FHOD1: variants seen among roughly 807,000 people sequenced by gnomAD.
The protein encoded by FHOD1 is formin homology 2 domain containing 1, also known as FH1/FH2 domain-containing protein 1.
FHOD1 carries 89 observed loss-of-function variants against 111.6 expected under a neutral mutation model. The ratio of observed to expected loss-of-function variants is 0.80; its 90% CI spans 0.67 to 0.95. FHOD1 has a LOEUF of 0.95. Ranked by LOEUF, FHOD1 falls within the 40% of genes least tolerant of loss-of-function variation. FHOD1 has a pLI of 0.00. For synonymous variants in FHOD1, 618 were observed against 639.0 expected (o/e 0.97, Z 0.50); for missense variants, 1,446 against 1,554.2 (o/e 0.93, Z 1.17).
At chr16:67,241,485 C>T (rs7192600) in intron 1 of FHOD1, among the ~76,000 whole-genome samples, 13,393 of 152,184 alleles carry the variant, frequency 0.088, 1,957 homozygotes, top group African/African-American at 0.3. Context: ...ACACACCTAC[C>T]CCAGAGCCAC....
chr16:67,230,570 C>T (rs200719864), intron 18 of FHOD1, 31 bp downstream of exon 18: 84 of 1,613,308 alleles, frequency 5.2e-5, no homozygotes, highest in South Asian at 3.8e-4. Context: ...GGGTGGTGGC[C>T]GTCCTGCCTC....
Position 67,238,128 on chromosome 16 carries a change from G to A in FHOD1, c.548C>T (p.Ala183Val), listed in dbSNP as rs1167301204. ...DHNYQSYILR[A>V]LGQLMLFVDG... Reference sequence around the variant, plus strand: ...CACAAAGAGCATCAGCTGGCCGAGCGCTGGGGAAACAGGGATGGGCAGAGT... The same window carrying A: ...CACAAAGAGCATCAGCTGGCCGAGCACTGGGGAAACAGGGATGGGCAGAGT... The change falls in exon 6 of 22, where the codon GCG becomes GTG. Residue 183 changes from alanine (A) to valine (V), a missense_variant and splice_region_variant. Physicochemically the swap from Ala to Val is moderately conservative, Grantham distance 64. Coordinates refer to ENST00000258201, the MANE Select transcript of FHOD1 (RefSeq NM_013241.3). The surrounding 1 kb of genome is among the most constrained non-coding windows in gnomAD (Gnocchi z 4.2). 13 of 1,614,216 alleles carry A rather than the reference G, an allele frequency of 8.1e-6. No individual in the cohort carries two copies. Among genetic ancestry groups the A allele is most frequent in the Non-Finnish European group, 1.1e-5 (13 of 1,180,038 alleles).
At chr16:67,239,487 G>A in intron 1 of FHOD1, 33 bp from the exon 2 acceptor site, 1 of 1,547,028 alleles carries the variant, frequency 6.5e-7, no homozygotes, top group Non-Finnish European at 8.9e-7. Context: ...TGAGACTGAG[G>A]AAGAGGTGGC....
intron 1 of FHOD1, among the ~76,000 whole-genome samples, chr16:67,243,527 T>TAA (rs1382237140): frequency 6.6e-6 from 1 of 152,112 alleles, no homozygotes; most frequent in Non-Finnish European, 1.5e-5. Flanking sequence ...GCCGCCTATT[T>TAA]AATTTGATTC....
At position 67,237,302 on chromosome 16, in the gene FHOD1, G is replaced by A. The variant is rs1461372483; in HGVS notation, c.930C>T (p.Val310=). Residue 310 remains valine, a synonymous_variant, in exon 9 of 22, where the codon GTC becomes GTT. Coordinates refer to ENST00000258201, the MANE Select transcript of FHOD1 (RefSeq NM_013241.3). This position sits in a 1 kb window ranked among gnomAD's most constrained non-coding sequence, Gnocchi z 5.6. ...TGCCCGCAGTGCCCAGGTGGCGCTG[G>A]ACCAGCGCTTCCATGCCCTGCTGCT... ...ALEQQGMEAL[V]QRHLGTAGTD... is the part of the protein sequence containing the mutation. 6.2e-7 allele frequency: 1 copy of A among 1,613,870 alleles called. No homozygotes were observed. Among genetic ancestry groups the A allele is most frequent in the East Asian group, 2.2e-5 (1 of 44,888 alleles).
Position 67,229,479 on chromosome 16 carries a change from C to CACACACTCACATGCAT in FHOD1, c.*141_*156dup. On this transcript the variant is annotated 3_prime_UTR_variant, in exon 22 of 22. Transcript: ENST00000258201. ...ATATGCATGCACACACACACATACA[C>CACACACTCACATGCAT]ACACACTCACATGCATACACACACG... 1 of 679,944 alleles carries CACACACTCACATGCAT rather than the reference C, an allele frequency of 1.5e-6. No individual in the cohort carries two copies. The highest frequency in any genetic ancestry group is 2.7e-6 in the Non-Finnish European group (1 of 375,172). 42.1% of individuals were successfully genotyped at this position (679,944 alleles called of 1,614,324 possible).
chr16:67,230,347 C>G lies in FHOD1; in HGVS notation c.3018G>C (p.Glu1006Asp). ...QQQQKQATYR[E>D]RNKTRGRMIT... Reference sequence around the variant, plus strand: ...TCATGCGTCCCCGGGTCTTGTTGCGCTCACGGTATGTGGCCTGCTTCTGCT... The same window carrying G: ...TCATGCGTCCCCGGGTCTTGTTGCGGTCACGGTATGTGGCCTGCTTCTGCT... Residue 1006 changes from glutamate (E) to aspartate (D), a missense_variant, in exon 19 of 22, where the codon GAG (glutamate) becomes GAC (aspartate). Coordinates refer to ENST00000258201, the MANE Select transcript of FHOD1 (RefSeq NM_013241.3). 2 of 1,614,254 alleles carry G rather than the reference C, an allele frequency of 1.2e-6. No homozygotes were observed. The highest frequency in any genetic ancestry group is 1.7e-6 in the Non-Finnish European group (2 of 1,180,038).
chr16:67,247,425 C>G lies in FHOD1; in HGVS notation c.-15G>C, dbSNP rs758376173. ...CCGCCCGCCATGGCTCTGCGGCCGG[C>G]TCACGCAGCGCGCCTCCGAGTCCCG... On this transcript the variant is annotated 5_prime_UTR_variant, in exon 1 of 22. Coordinates refer to ENST00000258201, the MANE Select transcript of FHOD1 (RefSeq NM_013241.3). 6.2e-7 allele frequency: 1 copy of G among 1,611,006 alleles called. No individual in the cohort carries two copies. Among genetic ancestry groups the G allele is most frequent in the Non-Finnish European group, 8.5e-7 (1 of 1,178,958 alleles).
At position 67,231,729 on chromosome 16, in the gene FHOD1, C is replaced by T. The variant is rs778889430; in HGVS notation, c.2293G>A (p.Glu765Lys). 4 of 1,614,098 alleles carry T rather than the reference C, an allele frequency of 2.5e-6. No individual in the cohort carries two copies. Among genetic ancestry groups the T allele is most frequent in the Non-Finnish European group, 3.4e-6 (4 of 1,180,018 alleles). The change falls in exon 15 of 22, where the codon GAG (glutamate) becomes AAG (lysine). Residue 765 changes from glutamate to lysine, a missense_variant. Glu to Lys is a moderately conservative substitution (Grantham distance 56). Around this residue, in one of 3 missense-constraint regions of FHOD1, gnomAD observed 1,085 missense variants for 1,108.8 expected, o/e 0.98. Coordinates refer to ENST00000258201, the MANE Select transcript of FHOD1 (RefSeq NM_013241.3). This position sits in a 1 kb window ranked among gnomAD's most constrained non-coding sequence, Gnocchi z 4.3. ...GAGGCAAGAGTCATCAGGAAGTTCTCGGCTGGGCCCAGGGGTATGTCAGGG... is the reference window on the plus strand; with the variant it reads ...GAGGCAAGAGTCATCAGGAAGTTCTTGGCTGGGCCCAGGGGTATGTCAGGG... ...ANPDIPLGPA[E>K]NFLMTLASIG...
At chr16:67,241,751 G>A (rs1053304777) in intron 1 of FHOD1, among the ~76,000 whole-genome samples, 1 of 152,210 alleles carries the variant, frequency 6.6e-6, no homozygotes, top group Non-Finnish European at 1.5e-5. Context: ...TAAACGGGAA[G>A]GGAAAACATG....
Position 67,230,206 on chromosome 16 carries a change from G to A in FHOD1, c.3074C>T (p.Ala1025Val), listed in dbSNP as rs752564255. 3 of 1,614,022 alleles carry A rather than the reference G, an allele frequency of 1.9e-6. No homozygotes were observed. Among genetic ancestry groups the A allele is most frequent in the Non-Finnish European group, 2.5e-6 (3 of 1,179,918 alleles). ...ITETEKFSGV[A>V]GEAPSNPSVP... ...AGAGGGGTTGCTGGGGGCTTCCCCA[G>A]CCACACCTGAGAACTTCTCTGTCTG... is the stretch of plus-strand genomic sequence containing the variant. Residue 1025 changes from alanine to valine, a missense_variant, in exon 20 of 22, where the codon GCT (alanine) becomes GTT (valine). Physicochemically the swap from Ala to Val is moderately conservative, Grantham distance 64. Around this residue, in one of 3 missense-constraint regions of FHOD1, gnomAD observed 1,085 missense variants for 1,108.8 expected, o/e 0.98. Coordinates refer to ENST00000258201, the MANE Select transcript of FHOD1 (RefSeq NM_013241.3).
At position 67,231,231 on chromosome 16, in the gene FHOD1, G is replaced by GAGGACTC. The variant is rs1567383605; in HGVS notation, c.2617_2623dup (p.Ser875Ter). On this transcript the variant is annotated stop_gained and frameshift_variant, in exon 17 of 22. Transcript: ENST00000258201. LOFTEE classifies it high-confidence loss of function. The surrounding 1 kb of genome is among the most constrained non-coding windows in gnomAD (Gnocchi z 4.3). ...GGCAGGGATTTCTGAATAGAGGTCA[G>GAGGACTC]AGGACTCAGGCCGGGTCTGGAGCAC... 1 of 1,614,232 alleles carries GAGGACTC rather than the reference G, an allele frequency of 6.2e-7. No homozygotes were observed. The highest frequency in any genetic ancestry group is 1.3e-5 in the African/African-American group (1 of 75,064).
chr16:67,230,429 G>T lies in FHOD1; in HGVS notation c.2936C>A (p.Thr979Lys), dbSNP rs766205021. 1.2e-6 allele frequency: 2 copies of T among 1,614,236 alleles called. No homozygotes were observed. Among genetic ancestry groups the T allele is most frequent in the East Asian group, 2.2e-5 (1 of 44,888 alleles). The change falls in exon 19 of 22, where the codon ACG becomes AAG. Residue 979 changes from threonine (T) to lysine (K), a missense_variant. By Grantham distance (78) the Thr-to-Lys change is moderately conservative. Coordinates refer to ENST00000258201, the MANE Select transcript of FHOD1 (RefSeq NM_013241.3). Reference protein sequence around the residue: ...REVRIMQFCHTLREFALEYRT... With the variant: ...REVRIMQFCHKLREFALEYRT... ...ATACTCAAGCGCAAATTCCCGCAGC[G>T]TGTGGCAGAACTGCATGATGCGCAC...
Position 67,231,323 on chromosome 16 carries a change from C to A in FHOD1, c.2532G>T (p.Leu844=). 6.2e-7 allele frequency: 1 copy of A among 1,614,148 alleles called. No homozygotes were observed. ...SQSSGFELSY[L]EKVSEVKDTV... ...TGTCCTTCACCTCTGACACCTTCTCCAGGTAGCTCAGCTCAAAGCCGCTGC... is the reference window on the plus strand; with the variant it reads ...TGTCCTTCACCTCTGACACCTTCTCAAGGTAGCTCAGCTCAAAGCCGCTGC... Residue 844 remains leucine (L), a synonymous_variant, in exon 17 of 22, where the codon CTG becomes CTT. Coordinates refer to ENST00000258201, the MANE Select transcript of FHOD1 (RefSeq NM_013241.3). The surrounding 1 kb of genome is among the most constrained non-coding windows in gnomAD (Gnocchi z 4.3).
chr16:67,236,174 C>T (rs774696380), intron 11 of FHOD1: 1 of 486,826 alleles, frequency 2.1e-6, no homozygotes, highest in Non-Finnish European at 2.7e-6. Context: ...CCTTCCCAGC[C>T]GCAGTGGGAA....
intron 13 of FHOD1, 25 bp from the exon 14 acceptor site, chr16:67,232,219 G>A (rs778447930): frequency 6.2e-7 from 1 of 1,612,796 alleles, no homozygotes; most frequent in Non-Finnish European, 8.5e-7. Context: ...GAAGGGCAGT[G>A]TAAGACTGAG....
chr16:67,232,540 A>T, intron 13 of FHOD1, among the ~76,000 whole-genome samples: 1 of 151,362 alleles, frequency 6.6e-6, no homozygotes, highest in East Asian at 1.9e-4. Flanking sequence ...AAAAAAAAAA[A>T]AGACTGAGGA....
chr16:67,229,687 A>G lies in FHOD1; in HGVS notation c.3444T>C (p.Asp1148=). Residue 1148 remains aspartate, a synonymous_variant, in exon 22 of 22, where the codon GAT becomes GAC. Coordinates refer to ENST00000258201, the MANE Select transcript of FHOD1 (RefSeq NM_013241.3). ...LRRTLKSGLG[D]DLVQALGLSK... ...TTAGTCCCAGTGCCTGCACCAGGTC[A>G]TCTCCGAGCCCACTCTTCAACGTCC... 6.2e-7 allele frequency: 1 copy of G among 1,614,206 alleles called. No individual in the cohort carries two copies. The highest frequency in any genetic ancestry group is 1.1e-5 in the South Asian group (1 of 91,086).
Position 67,245,386 on chromosome 16 carries a change from TAGA to T in FHOD1, c.201+1821_201+1823del, listed in dbSNP as rs567248728. On this transcript the variant is annotated intron_variant, in intron 1 of 21. Coordinates refer to ENST00000258201, the MANE Select transcript of FHOD1 (RefSeq NM_013241.3). ...GGACACGGGTCCCATGAGAGGGAGATAGAAGGAGTGGTTCTGAGCCTCTTTCTT... is the reference window on the plus strand; with the variant it reads ...GGACACGGGTCCCATGAGAGGGAGATAGGAGTGGTTCTGAGCCTCTTTCTT... Among the ~76,000 whole-genome samples, 12 of 152,144 alleles carry T rather than the reference TAGA, an allele frequency of 7.9e-5. No homozygotes were observed. The South Asian group carries it at 2.3e-3, about 29-fold the overall frequency.
Sources: allele counts gnomAD v4.1 joint callset (sites outside exome capture counted in the v4.1 genomes callset), GRCh38; gene constraint gnomAD v4.1.1; regional missense constraint gnomAD v4.1.1; non-coding constraint Gnocchi (gnomAD v3.1); transcripts MANE v1.5; gene names NCBI Gene and HGNC (gene_info 2026-07-23, HGNC 2026-07-21).